Variants in ITGA4 observed in about 807,000 individuals in gnomAD.
ITGA4 encodes the protein integrin alpha-4.
ITGA4 carries 63 observed loss-of-function variants against 133.6 expected under a neutral mutation model. That is an observed-to-expected ratio of 0.47 (90% CI 0.38 to 0.58). The LOEUF is 0.58. Ranked by LOEUF, ITGA4 falls within the 20% of genes least tolerant of loss-of-function variation. ITGA4 has a pLI of 0.00. For synonymous variants in ITGA4, 483 were observed against 438.0 expected, an observed-to-expected ratio of 1.10 and a Z score of -1.28; for missense variants, 1,076 against 1,252.7, an observed-to-expected ratio of 0.86 and a Z score of 2.13.
chr2:181,513,613 T>G (rs1250269624), intron 17 of ITGA4, among the ~76,000 whole-genome samples: 1 of 152,050 alleles, frequency 6.6e-6, no homozygotes, highest in Admixed American at 6.6e-5. Flanking sequence ...AACATACACA[T>G]GTGATAACAG....
chr2:181,483,866 A>G (rs1685858169), intron 9 of ITGA4, among the ~76,000 whole-genome samples: 1 of 152,232 alleles, frequency 6.6e-6, no homozygotes, highest in South Asian at 2.1e-4. Context: ...AAAGCAATAT[A>G]GAATCATTTT....
intron 17 of ITGA4, 67 bp from the exon 18 acceptor site, chr2:181,522,124 T>C: frequency 1.2e-6 from 1 of 869,350 alleles, no homozygotes; most frequent in East Asian, 2.5e-5. Context: ...TATATCCTTG[T>C]ATGCATATAA....
At chr2:181,469,272 C>A (rs753916315) in intron 2 of ITGA4, among the ~76,000 whole-genome samples, 1 of 152,112 alleles carries the variant, frequency 6.6e-6, no homozygotes, top group East Asian at 1.9e-4. Flanking sequence ...ATTTTTAAAA[C>A]AGTAGGTTTT....
chr2:181,459,057 C>T (rs1180819506), intron 2 of ITGA4: 1 of 152,280 alleles, frequency 6.6e-6, no homozygotes, highest in East Asian at 1.9e-4. Context: ...TATTAAATAA[C>T]AAGACCTATC....
chr2:181,457,679 C>A lies in ITGA4; in HGVS notation c.25C>A (p.Pro9Thr). 6.2e-7 allele frequency: 1 copy of A among 1,610,992 alleles called. No homozygotes were observed. Among genetic ancestry groups the A allele is most frequent in the Non-Finnish European group, 8.5e-7 (1 of 1,179,356 alleles). Residue 9 changes from proline (P) to threonine (T), a missense_variant, in exon 1 of 28, where the codon CCC becomes ACC. Coordinates refer to ENST00000397033, the MANE Select transcript of ITGA4 (RefSeq NM_000885.6). MAWEARRE[P>T]GPRRAAVRET... is the part of the protein sequence containing the mutation. ...CATGGCTTGGGAAGCGAGGCGCGAA[C>A]CCGGCCCCCGAAGGGCCGCCGTCCG...
In ITGA4 at chr2:181,527,280, G is replaced by T; in HGVS notation, c.2340-17G>T. 2 of 1,473,008 alleles carry T rather than the reference G, an allele frequency of 1.4e-6. No homozygotes were observed. The highest frequency in any genetic ancestry group is 2.3e-5 in the South Asian group (2 of 87,748). The allele number at this position is 1,473,008 out of a possible 1,614,324, so 91.2% of individuals were successfully genotyped here. On this transcript the variant is annotated splice_polypyrimidine_tract_variant and intron_variant, in intron 21 of 27. Coordinates refer to ENST00000397033, the MANE Select transcript of ITGA4 (RefSeq NM_000885.6). Reference sequence around the variant, plus strand: ...TCGAATAAGACAGTTAATTAAATTTGAATTTGTTTTTACCAGGTTTGTAAA... The same window carrying T: ...TCGAATAAGACAGTTAATTAAATTTTAATTTGTTTTTACCAGGTTTGTAAA...
intron 15 of ITGA4, 94 bp downstream of exon 15, chr2:181,498,871 G>C: frequency 6.9e-7 from 1 of 1,441,842 alleles, no homozygotes; most frequent in Non-Finnish European, 9.1e-7. Flanking sequence ...ATAAAATGTA[G>C]ATAAAAGCAA....
Position 181,537,182 on chromosome 2 carries a change from T to TCATAGATGAAAAATCAAGCCCCGATTTAG in ITGA4, c.*1656_*1684dup. ...CATTCTTTCAGGAGAACATCTAGGA[T>TCATAGATGAAAAATCAAGCCCCGATTTAG]CATAGATGAAAAATCAAGCCCCGAT... On this transcript the variant is annotated 3_prime_UTR_variant, in exon 28 of 28. Transcript: ENST00000397033. 1 of 453,688 alleles carries TCATAGATGAAAAATCAAGCCCCGATTTAG rather than the reference T, an allele frequency of 2.2e-6. No homozygotes were observed. The highest frequency in any genetic ancestry group is 4.4e-6 in the Non-Finnish European group (1 of 226,472). 28.1% of individuals were successfully genotyped at this position (453,688 alleles called of 1,614,324 possible). A position where few individuals can be genotyped will look rare whatever the true frequency, so the allele number is the denominator to read the frequency against.
intron 15 of ITGA4, among the ~76,000 whole-genome samples, chr2:181,507,491 C>G (rs1686417385): frequency 6.6e-6 from 1 of 152,000 alleles, no homozygotes; most frequent in African/African-American, 2.4e-5. Context: ...TGAACAGGTG[C>G]TTTCTAAGAG....
chr2:181,530,740 C>G (rs958865687), intron 24 of ITGA4, 91 bp downstream of exon 24: 1 of 1,146,316 alleles, frequency 8.7e-7, no homozygotes, highest in Non-Finnish European at 1.3e-6. Context: ...GCTGTCACTT[C>G]AATAATAAGA....
intron 15 of ITGA4, among the ~76,000 whole-genome samples, chr2:181,502,902 G>A (rs1416287759): frequency 6.6e-6 from 1 of 152,022 alleles, no homozygotes. Context: ...AGTGAAGCAA[G>A]CAAGGAGCAT....
In ITGA4 at chr2:181,509,335, G is replaced by T. The variant is rs187066780; in HGVS notation, c.1696-323G>T. Among the ~76,000 whole-genome samples, 740 of 151,994 alleles carry T rather than the reference G, an allele frequency of 4.9e-3. 8 individuals are homozygous for T. Among genetic ancestry groups the T allele is most frequent in the African/African-American group, 0.017 (704 of 41,500 alleles). ...TTACAAAAAGTTTATCATGAAAAAT[G>T]CTTATGTTATAATATCAAGTTATCT... On this transcript the variant is annotated intron_variant, in intron 15 of 27. Transcript: ENST00000397033.
chr2:181,499,820 T>C (rs1285526365), intron 15 of ITGA4, among the ~76,000 whole-genome samples: 1 of 152,186 alleles, frequency 6.6e-6, no homozygotes, highest in East Asian at 1.9e-4. Context: ...TAGTCAATTG[T>C]AGAGACAAAT....
chr2:181,482,388 A>G lies in ITGA4; in HGVS notation c.869A>G (p.Glu290Gly). Residue 290 changes from glutamate (E) to glycine (G), a missense_variant, in exon 8 of 28, where the codon GAA becomes GGA. Physicochemically the swap from Glu to Gly is moderately conservative, Grantham distance 98 (BLOSUM62 -2). Around this residue, in one of 4 missense-constraint regions of ITGA4, gnomAD observed 436 missense variants for 590.7 expected, o/e 0.74. Transcript: ENST00000397033. Reference sequence around the variant, plus strand: ...TATATATTCAGCATTGATGAAAAAGAACTAAATATCTTACATGAAATGAAA... The same window carrying G: ...TATATATTCAGCATTGATGAAAAAGGACTAAATATCTTACATGAAATGAAA... ...KAYIFSIDEK[E>G]LNILHEMKGK... 7 of 1,612,920 alleles carry G rather than the reference A, an allele frequency of 4.3e-6. No individual in the cohort carries two copies. Among genetic ancestry groups the G allele is most frequent in the Non-Finnish European group, 5.9e-6 (7 of 1,179,334 alleles).
chr2:181,513,280 C>A (rs958212896), intron 17 of ITGA4, among the ~76,000 whole-genome samples: 4 of 151,944 alleles, frequency 2.6e-5, no homozygotes, highest in African/African-American at 9.7e-5. Flanking sequence ...AGTTTCACAC[C>A]CACCTACATA....
rs575009286 is a variant in ITGA4, at chr2:181,517,256, T to C, written c.1923-4935T>C. On this transcript the variant is annotated intron_variant, in intron 17 of 27. Transcript: ENST00000397033. ...TATCAGTTTACATTATATTTTATTCTAGCATCTTGATTAAAAACAAGTTAG... is the reference window on the plus strand; with the variant it reads ...TATCAGTTTACATTATATTTTATTCCAGCATCTTGATTAAAAACAAGTTAG... 2.0e-5 allele frequency among the ~76,000 whole-genome samples: 3 copies of C among 152,258 alleles called. No homozygotes were observed. In the South Asian group the frequency reaches 6.2e-4, roughly 32 times the overall value.
intron 10 of ITGA4, among the ~76,000 whole-genome samples, chr2:181,489,948 C>T (rs971241061): frequency 1.3e-5 from 2 of 152,070 alleles, no homozygotes; most frequent in Non-Finnish European, 2.9e-5. Context: ...GAGCCGAGCT[C>T]CCCAAGTGAG....
In ITGA4 at chr2:181,475,219, G is replaced by T; in HGVS notation, c.487G>T (p.Gly163Cys). The T allele has an allele frequency of 6.2e-7, 1 of 1,612,446 alleles. No homozygotes were observed. Among genetic ancestry groups the T allele is most frequent in the African/African-American group, 1.3e-5 (1 of 75,006 alleles). ...AAAGAATGAAAATAAGCTCCCCACT[G>T]GTGGTTGCTATGGAGTGCCCCCTGA... ...YIKNENKLPT[G>C]GCYGVPPDLR... The change falls in exon 4 of 28, where the codon GGT (glycine) becomes TGT (cysteine). Residue 163 changes from glycine to cysteine, a missense_variant. Physicochemically the swap from Gly to Cys is radical, Grantham distance 159. Coordinates refer to ENST00000397033, the MANE Select transcript of ITGA4 (RefSeq NM_000885.6).
chr2:181,464,954 ATC>A (rs1491444087), intron 2 of ITGA4, among the ~76,000 whole-genome samples: 5 of 152,100 alleles, frequency 3.3e-5, no homozygotes, highest in African/African-American at 1.2e-4. Flanking sequence ...ATCATAGAAA[ATC>A]TTTTTTATAT....
Sources: gnomAD v4.1 joint callset for allele counts (sites outside exome capture counted in the v4.1 genomes callset) on GRCh38, gnomAD v4.1.1 for gene constraint, gnomAD v4.1.1 regional missense constraint, MANE v1.5 for transcripts, NCBI Gene and HGNC (gene_info 2026-07-23, HGNC 2026-07-21) for gene names.